Variants in SGCZ observed in about 807,000 individuals in gnomAD.
The protein encoded by SGCZ is sarcoglycan zeta.
Under a neutral mutation model 41.3 loss-of-function variants are expected in SGCZ, and 40 were observed. The ratio of observed to expected loss-of-function variants is 0.97; its 90% CI spans 0.75 to 1.26. The LOEUF (loss-of-function observed/expected upper bound fraction) is 1.26, where lower values mean the gene tolerates loss of function less well. Among genes scored for constraint, SGCZ ranks in the 50% most tolerant of loss-of-function variants. The probability of loss-of-function intolerance (pLI) is 0.00; values close to 1 mark genes in which losing one functional copy is unlikely to be tolerated. For missense variants in SGCZ, 552 were observed against 369.8 expected (o/e 1.49, Z -4.04); for synonymous variants, 206 against 137.5 (o/e 1.50, Z -3.49).
chr8:14,344,533 C>T (rs530484923), intron 2 of SGCZ, among the ~76,000 whole-genome samples: 6 of 152,072 alleles, frequency 3.9e-5, no homozygotes, highest in East Asian at 1.9e-4. Context: ...AAGAAATTAA[C>T]GACCAACCTA....
At chr8:14,312,477 A>C (rs961906726) in intron 3 of SGCZ, among the ~76,000 whole-genome samples, 1 of 152,136 alleles carries the variant, frequency 6.6e-6, no homozygotes, top group Non-Finnish European at 1.5e-5. Context: ...CATTATAAGA[A>C]ATAATACTGT....
chr8:14,882,470 G>C (rs1469555830), intron 1 of SGCZ, among the ~76,000 whole-genome samples: 1 of 152,106 alleles, frequency 6.6e-6, no homozygotes, highest in Non-Finnish European at 1.5e-5. Flanking sequence ...ATGTGTTAGA[G>C]TGAATATCGT....
At chr8:14,288,985 T>C (rs1289358329) in intron 3 of SGCZ, among the ~76,000 whole-genome samples, 3 of 152,160 alleles carry the variant, frequency 2.0e-5, no homozygotes, top group African/African-American at 7.2e-5. Flanking sequence ...GGGACTGCAA[T>C]GATATCTTAT....
intron 3 of SGCZ, among the ~76,000 whole-genome samples, chr8:14,274,895 T>G (rs1800176675): frequency 6.6e-6 from 1 of 152,130 alleles, no homozygotes; most frequent in Non-Finnish European, 1.5e-5. Context: ...AAGTAAAAAT[T>G]GTGACCCTAC....
At chr8:14,640,344 A>C (rs551027791) in intron 1 of SGCZ, among the ~76,000 whole-genome samples, 31 of 151,642 alleles carry the variant, frequency 2.0e-4, no homozygotes, top group Non-Finnish European at 3.4e-4. Context: ...CACTTTTAGC[A>C]CTTTGAAGAT....
intron 3 of SGCZ, among the ~76,000 whole-genome samples, chr8:14,256,812 T>C (rs1367460274): frequency 6.6e-6 from 1 of 152,204 alleles, no homozygotes; most frequent in Admixed American, 6.5e-5. Flanking sequence ...AGAAGCTATA[T>C]CATCAAACTG....
At chr8:14,110,665 C>A (rs556032035) in intron 5 of SGCZ, among the ~76,000 whole-genome samples, 2 of 152,052 alleles carry the variant, frequency 1.3e-5, no homozygotes, top group Admixed American at 1.3e-4. Context: ...GCCAAAGGTA[C>A]AAAATTAATA....
At chr8:14,176,439 G>A (rs1008394942) in intron 4 of SGCZ, among the ~76,000 whole-genome samples, 1 of 152,150 alleles carries the variant, frequency 6.6e-6, no homozygotes, top group South Asian at 2.1e-4. Context: ...TAATTAGTAA[G>A]TGTTTCAAAC....
chr8:14,638,901 T>C (rs1347346742), intron 1 of SGCZ, among the ~76,000 whole-genome samples: 4 of 151,792 alleles, frequency 2.6e-5, no homozygotes, highest in Non-Finnish European at 5.9e-5. Flanking sequence ...CAAATGCTGG[T>C]TCAGTAAAAG....
intron 2 of SGCZ, among the ~76,000 whole-genome samples, chr8:14,359,878 C>A (rs533653284): frequency 1.3e-5 from 2 of 150,164 alleles, no homozygotes; most frequent in African/African-American, 2.4e-5. Flanking sequence ...AGAATGCTGG[C>A]AAATCAAATT....
intron 1 of SGCZ, among the ~76,000 whole-genome samples, chr8:15,026,775 AATTAT>A (rs1339853775): frequency 1.3e-5 from 2 of 152,114 alleles, no homozygotes; most frequent in Non-Finnish European, 2.9e-5. Flanking sequence ...CATTATACTT[AATTAT>A]ATATTGTGAG....
At chr8:14,394,501 T>C (rs1804909734) in intron 2 of SGCZ, among the ~76,000 whole-genome samples, 1 of 152,164 alleles carries the variant, frequency 6.6e-6, no homozygotes, top group South Asian at 2.1e-4. Context: ...TAAGAAACAC[T>C]TTTTAATGAT....
chr8:14,151,085 A>T (rs1229088067), intron 5 of SGCZ, among the ~76,000 whole-genome samples: 1 of 152,122 alleles, frequency 6.6e-6, no homozygotes, highest in Non-Finnish European at 1.5e-5. Flanking sequence ...AAATAGTAAG[A>T]AAAAATGAAT....
intron 5 of SGCZ, among the ~76,000 whole-genome samples, chr8:14,135,935 T>C (rs905477185): frequency 7.9e-5 from 12 of 151,996 alleles, no homozygotes; most frequent in Non-Finnish European, 1.5e-4. Context: ...TTACATATCT[T>C]ACAAAAAATA....
At chr8:14,587,258 T>C (rs1230831389) in intron 1 of SGCZ, among the ~76,000 whole-genome samples, 1 of 151,602 alleles carries the variant, frequency 6.6e-6, no homozygotes. Flanking sequence ...GTAGAAGATA[T>C]AGCCAGATTT....
chr8:14,350,699 T>A (rs1803059929), intron 2 of SGCZ, among the ~76,000 whole-genome samples: 2 of 152,018 alleles, frequency 1.3e-5, no homozygotes, highest in African/African-American at 4.8e-5. Context: ...CAGTTCAGCC[T>A]CTCCCTCTGT....
At chr8:14,876,042 T>C (rs1382711129) in intron 1 of SGCZ, among the ~76,000 whole-genome samples, 3 of 152,120 alleles carry the variant, frequency 2.0e-5, no homozygotes, top group Non-Finnish European at 4.4e-5. Context: ...AATGAAAATA[T>C]AGTCTATGCA....
chr8:14,851,368 C>CAAAAAAAAAAAAAAA (rs369090223), intron 1 of SGCZ, among the ~76,000 whole-genome samples: 122 of 61,570 alleles, frequency 2.0e-3, no homozygotes, highest in East Asian at 2.5e-3. Context: ...GACTCCATCT[C>CAAAAAAAAAAAAAAA]AAAAAAAAAA....
chr8:14,249,443 C>G (rs1194755683), intron 3 of SGCZ, among the ~76,000 whole-genome samples: 1 of 151,994 alleles, frequency 6.6e-6, no homozygotes, highest in Non-Finnish European at 1.5e-5. Flanking sequence ...GTCTGTTTCT[C>G]TAGAGAACCC....
Sources: allele counts gnomAD v4.1 joint callset (sites outside exome capture counted in the v4.1 genomes callset), GRCh38; gene constraint gnomAD v4.1.1; transcripts MANE v1.5; gene names NCBI Gene and HGNC (gene_info 2026-07-23, HGNC 2026-07-21).